RNFT2: variants seen among roughly 807,000 people sequenced by gnomAD.
RNFT2 encodes ring finger protein, transmembrane 2.
A neutral mutation model predicts 53.0 loss-of-function variants in RNFT2; 36 were observed. The observed-to-expected ratio is 0.68, with a 90% CI of 0.52 to 0.90. The LOEUF is 0.90. Among genes scored for constraint, RNFT2 ranks in the 40% least tolerant of loss-of-function variants. The pLI is 0.00. For synonymous variants in RNFT2, 260 were observed against 253.2 expected (o/e 1.03, Z -0.26); for missense variants, 514 against 585.6 (o/e 0.88, Z 1.26).
At chr12:116,800,863 A>AAAATAAAATAAAATAAAATAAT (rs34964792) in intron 7 of RNFT2, among the ~76,000 whole-genome samples, 8 of 42,586 alleles carry the variant, frequency 1.9e-4, no homozygotes, top group African/African-American at 3.5e-4. Flanking sequence ...TAAAATAAAA[A>AAAATAAAATAAAATAAAATAAT]CCATTTAACA....
chr12:116,792,466 A>G (rs573466542), intron 7 of RNFT2, among the ~76,000 whole-genome samples: 1 of 152,288 alleles, frequency 6.6e-6, no homozygotes, highest in Admixed American at 6.5e-5. Context: ...GGACACTGCT[A>G]GGGCCGAGGA....
intron 7 of RNFT2, among the ~76,000 whole-genome samples, chr12:116,795,302 A>G (rs59935649): frequency 0.052 from 7,871 of 151,780 alleles, 464 homozygotes; most frequent in East Asian, 0.14. Context: ...CAGCTACTCC[A>G]GAGGCTGAGT....
intron 7 of RNFT2, among the ~76,000 whole-genome samples, chr12:116,821,418 A>G (rs576015151): frequency 6.6e-6 from 1 of 152,168 alleles, no homozygotes; most frequent in African/African-American, 2.4e-5. Flanking sequence ...TCAAGCCTCC[A>G]GGTCGGTGCT....
In RNFT2 at chr12:116,829,740, C is replaced by T. The variant is rs140247334; in HGVS notation, c.883-4052C>T. On this transcript the variant is annotated intron_variant, in intron 7 of 10. Transcript: ENST00000257575. ...GATTATAGGCACGTGCCACCATACC[C>T]GGCTATTTTTTTGTATTTTTGGTAG... Among the ~76,000 whole-genome samples the T allele has an allele frequency of 4.4e-3, 671 of 152,204 alleles. 3 individuals are homozygous for T. Among genetic ancestry groups the T allele is most frequent in the Non-Finnish European group, 6.5e-3 (441 of 68,006 alleles).
chr12:116,835,050 A>C (rs542202290), intron 8 of RNFT2, among the ~76,000 whole-genome samples: 1 of 151,996 alleles, frequency 6.6e-6, no homozygotes, highest in African/African-American at 2.4e-5. Context: ...GTGTTTTACC[A>C]TGTTGGCCAG....
rs529446307 is a variant in RNFT2 at position 116,739,605 on chromosome 12, C to T, written c.-153-740C>T. 4.6e-5 allele frequency among the ~76,000 whole-genome samples: 7 copies of T among 152,320 alleles called. No individual in the cohort carries two copies. In the East Asian group the frequency reaches 1.3e-3, roughly 29 times the overall value. ...TGCCCTGCGGGACCAAGCCCTGCCA[C>T]ATTTAGAGGAGAAAGTATTCCAAGG... On this transcript the variant is annotated intron_variant, in intron 1 of 10. Transcript: ENST00000257575.
At chr12:116,770,059 T>TA (rs1157518234) in intron 6 of RNFT2, among the ~76,000 whole-genome samples, 1 of 152,060 alleles carries the variant, frequency 6.6e-6, no homozygotes, top group Non-Finnish European at 1.5e-5. Context: ...AAATGTAGTG[T>TA]AGCCTACATG....
intron 10 of RNFT2, among the ~76,000 whole-genome samples, chr12:116,840,024 A>G (rs1262048595): frequency 6.6e-6 from 1 of 152,220 alleles, no homozygotes; most frequent in Non-Finnish European, 1.5e-5. Flanking sequence ...GACAGGCTAC[A>G]GGGAGCCAGG....
intron 7 of RNFT2, among the ~76,000 whole-genome samples, chr12:116,779,725 C>T (rs1873603851): frequency 6.6e-6 from 1 of 152,204 alleles, no homozygotes; most frequent in African/African-American, 2.4e-5. Flanking sequence ...TCGTGGCTTC[C>T]AGGAGTTCAT....
At chr12:116,806,043 A>C (rs528350210) in intron 7 of RNFT2, among the ~76,000 whole-genome samples, 1 of 152,186 alleles carries the variant, frequency 6.6e-6, no homozygotes, top group Non-Finnish European at 1.5e-5. Flanking sequence ...TTTAAACAAG[A>C]GGGCAGCTTT....
chr12:116,761,664 T>C (rs1872696345), intron 5 of RNFT2, among the ~76,000 whole-genome samples: 1 of 152,180 alleles, frequency 6.6e-6, no homozygotes, highest in Admixed American at 6.5e-5. Flanking sequence ...ATTTTCCCAC[T>C]GAGGAAACAG....
intron 3 of RNFT2, among the ~76,000 whole-genome samples, chr12:116,747,909 G>A (rs1214372663): frequency 6.6e-6 from 1 of 152,106 alleles, no homozygotes; most frequent in African/African-American, 2.4e-5. Context: ...ATGAACCCTC[G>A]GCCGGGCACG....
At chr12:116,814,683 T>A (rs74528756) in intron 7 of RNFT2, among the ~76,000 whole-genome samples, 7,046 of 152,084 alleles carry the variant, frequency 0.046, 357 homozygotes, top group East Asian at 0.15. Context: ...ATGATATTTT[T>A]TTTTTTTTCC....
intron 7 of RNFT2, among the ~76,000 whole-genome samples, chr12:116,787,914 C>T (rs112770923): frequency 0.02 from 3,063 of 152,078 alleles, 39 homozygotes; most frequent in African/African-American, 0.034. Context: ...CAGACCCTAC[C>T]TCTTTTGCTT....
chr12:116,752,138 C>T (rs894480675), intron 4 of RNFT2, among the ~76,000 whole-genome samples: 31 of 151,784 alleles, frequency 2.0e-4, no homozygotes, highest in Non-Finnish European at 3.7e-4. Context: ...TTGCTTGAGG[C>T]TGGGAGTTCG....
At position 116,851,202 on chromosome 12, in the gene RNFT2, A is replaced by C. The variant is rs1877910382; in HGVS notation, c.*1754A>C. The stretch of plus-strand genomic sequence containing the variant: ...CAAGTTTCCAACAGAGGCCTGGTAC[A>C]GTTTCAGAACCCACATCTAAAAAAA... On this transcript the variant is annotated 3_prime_UTR_variant, in exon 11 of 11. Transcript: ENST00000257575. 1 of 152,476 alleles carries C rather than the reference A, an allele frequency of 6.6e-6. No homozygotes were observed. 9.4% of individuals were successfully genotyped at this position (152,476 alleles called of 1,614,324 possible).
At position 116,852,951 on chromosome 12, in the gene RNFT2, A is replaced by G. The variant is rs1477829895; in HGVS notation, c.*3503A>G. The G allele has an allele frequency of 5.1e-6, 3 of 585,724 alleles. No individual in the cohort carries two copies. Among genetic ancestry groups the G allele is most frequent in the Non-Finnish European group, 9.0e-6 (3 of 332,004 alleles). The allele number at this position is 585,724 out of a possible 1,614,324, so 36.3% of individuals were successfully genotyped here. A position where few individuals can be genotyped will look rare whatever the true frequency, so the allele number is the denominator to read the frequency against. On this transcript the variant is annotated 3_prime_UTR_variant, in exon 11 of 11. Transcript: ENST00000257575. Reference sequence around the variant, plus strand: ...AAATTCTCTAACACTGCAAAGAGTGAGCCATGCCTGTTAACACTGTAAAGA... The same window carrying G: ...AAATTCTCTAACACTGCAAAGAGTGGGCCATGCCTGTTAACACTGTAAAGA...
chr12:116,836,338 C>T, intron 10 of RNFT2, 56 bp downstream of exon 10: 1 of 1,425,670 alleles, frequency 7.0e-7, no homozygotes, highest in Non-Finnish European at 9.7e-7. Flanking sequence ...GAGTAGGACC[C>T]TTCCCCATGG....
Position 116,751,852 on chromosome 12 carries a change from T to A in RNFT2, c.550+1545T>A, listed in dbSNP as rs568089434. Reference sequence around the variant, plus strand: ...CAGCTCACTGCAAACCTCTACCCACTGAGTTCAAGTGATTCTCAGCCCTAA... The same window carrying A: ...CAGCTCACTGCAAACCTCTACCCACAGAGTTCAAGTGATTCTCAGCCCTAA... On this transcript the variant is annotated intron_variant, in intron 4 of 10. Coordinates refer to ENST00000257575, the MANE Select transcript of RNFT2 (RefSeq NM_001382266.1). 2.0e-5 allele frequency among the ~76,000 whole-genome samples: 3 copies of A among 151,698 alleles called. No individual in the cohort carries two copies. The East Asian group carries it at 6.0e-4, about 30-fold the overall frequency.
Sources: allele counts gnomAD v4.1 joint callset (sites outside exome capture counted in the v4.1 genomes callset), GRCh38; gene constraint gnomAD v4.1.1; transcripts MANE v1.5; gene names NCBI Gene and HGNC (gene_info 2026-07-23, HGNC 2026-07-21).